The following MYO3B variants were observed in gnomAD, a reference collection of about 807,000 sequenced individuals.
MYO3B encodes myosin-IIIb.
In MYO3B, 156 loss-of-function variants were observed where a neutral mutation model predicts 174.6. The ratio of observed to expected loss-of-function variants is 0.89; its 90% confidence interval spans 0.78 to 1.02. MYO3B has a LOEUF of 1.02. Ranked by LOEUF, MYO3B falls within the 50% of genes least tolerant of loss-of-function variation. The probability of loss-of-function intolerance (pLI) is 0.00; values close to 1 mark genes in which losing one functional copy is unlikely to be tolerated. For synonymous variants in MYO3B, 563 were observed against 569.1 expected (o/e 0.99, Z 0.15); for missense variants, 1,632 against 1,639.4 (o/e 1.00, Z 0.08).
At chr2:170,564,806 A>G (rs79429975) in intron 32 of MYO3B, among the ~76,000 whole-genome samples, 1,581 of 152,220 alleles carry the variant, frequency 0.01, 49 homozygotes, top group East Asian at 0.088. Context: ...TAAAAATTAC[A>G]TTTACAAAGT....
chr2:170,470,367 G>A (rs993689031), intron 25 of MYO3B, among the ~76,000 whole-genome samples: 1 of 152,054 alleles, frequency 6.6e-6, no homozygotes, highest in African/African-American at 2.4e-5. Flanking sequence ...GGCCTTTTGT[G>A]TCTGGCTTCT....
intron 21 of MYO3B, 77 bp downstream of exon 21, chr2:170,405,710 A>G: frequency 4.4e-6 from 5 of 1,123,792 alleles, no homozygotes; most frequent in Non-Finnish European, 6.6e-6. Context: ...TGTGCTGCTC[A>G]TGAAATTGCT....
chr2:170,408,274 A>G (rs1446524728), intron 22 of MYO3B, among the ~76,000 whole-genome samples: 1 of 152,206 alleles, frequency 6.6e-6, no homozygotes, highest in Non-Finnish European at 1.5e-5. Context: ...GGGATCCTCA[A>G]AGATCACCTT....
At chr2:170,326,290 G>T (rs188602953) in intron 7 of MYO3B, among the ~76,000 whole-genome samples, 1 of 151,800 alleles carries the variant, frequency 6.6e-6, no homozygotes, top group African/African-American at 2.4e-5. Context: ...AGAACAACAT[G>T]ATCTATTTGA....
intron 32 of MYO3B, among the ~76,000 whole-genome samples, chr2:170,570,672 C>T (rs188008433): frequency 8.5e-5 from 13 of 152,160 alleles, no homozygotes; most frequent in Admixed American, 8.5e-4. Flanking sequence ...GTAAGGCCAG[C>T]GGGGCTGATT....
chr2:170,393,743 CT>C (rs1051003194), intron 16 of MYO3B, among the ~76,000 whole-genome samples: 1 of 152,042 alleles, frequency 6.6e-6, no homozygotes, highest in Non-Finnish European at 1.5e-5. Context: ...TAGTACCTTT[CT>C]TTTTTTTCTG....
chr2:170,307,707 T>G (rs143865900), intron 7 of MYO3B, among the ~76,000 whole-genome samples: 2 of 152,280 alleles, frequency 1.3e-5, no homozygotes, highest in African/African-American at 4.8e-5. Flanking sequence ...TATTACAGCT[T>G]CATGATTGCT....
chr2:170,254,122 A>G (rs1303355838), intron 7 of MYO3B, among the ~76,000 whole-genome samples: 1 of 152,068 alleles, frequency 6.6e-6, no homozygotes. Flanking sequence ...GGTACTGAAA[A>G]GGTTCTCAGG....
intron 1 of MYO3B, among the ~76,000 whole-genome samples, chr2:170,186,452 T>C (rs1270729997): frequency 1.3e-5 from 2 of 152,252 alleles, no homozygotes; most frequent in Admixed American, 6.5e-5. Context: ...TGAACCATAC[T>C]TGCATTCCTG....
chr2:170,440,871 G>C (rs1298948347), intron 22 of MYO3B, among the ~76,000 whole-genome samples: 2 of 140,182 alleles, frequency 1.4e-5, no homozygotes. Flanking sequence ...GCATGATCTC[G>C]GTTCACTGCA....
At chr2:170,495,533 T>C (rs1047450336) in intron 25 of MYO3B, among the ~76,000 whole-genome samples, 2 of 151,890 alleles carry the variant, frequency 1.3e-5, no homozygotes, top group African/African-American at 4.8e-5. Context: ...TAAGTTCTAA[T>C]ATTAATGATC....
intron 7 of MYO3B, among the ~76,000 whole-genome samples, chr2:170,273,375 ATCC>A (rs147856386): frequency 7.6e-4 from 116 of 152,128 alleles, no homozygotes; most frequent in African/African-American, 2.7e-3. Context: ...TAAGTCTAGA[ATCC>A]TCCTCTTGCC....
At chr2:170,573,584 AG>A (rs1559127827) in intron 32 of MYO3B, among the ~76,000 whole-genome samples, 1 of 152,190 alleles carries the variant, frequency 6.6e-6, no homozygotes, top group Non-Finnish European at 1.5e-5. Flanking sequence ...ATGCCACTTT[AG>A]TTGGCCTTTC....
intron 22 of MYO3B, among the ~76,000 whole-genome samples, chr2:170,439,662 T>C (rs35132152): frequency 0.23 from 35,567 of 152,122 alleles, 5,022 homozygotes; most frequent in Non-Finnish European, 0.31. Flanking sequence ...TCTCCTATGT[T>C]TTCTTCTAGC....
At chr2:170,244,744 G>C (rs1433608445) in intron 7 of MYO3B, among the ~76,000 whole-genome samples, 6 of 152,130 alleles carry the variant, frequency 3.9e-5, no homozygotes, top group Admixed American at 3.9e-4. Context: ...AATTAGCACG[G>C]GTTCATTGTA....
Position 170,214,845 on chromosome 2 carries a change from G to A in MYO3B, c.526+17G>A, listed in dbSNP as rs370250141. On this transcript the variant is annotated intron_variant, in intron 5 of 34. Transcript: ENST00000408978. ...TTGACTTTGGTAATGACTGCTTGTC[G>A]TTTGTTTTCTTGACGTGTGCAGTTT... 36 of 1,595,614 alleles carry A rather than the reference G, an allele frequency of 2.3e-5. No individual in the cohort carries two copies. In the African/African-American group the frequency reaches 2.8e-4, roughly 12 times the overall value.
intron 32 of MYO3B, among the ~76,000 whole-genome samples, chr2:170,633,144 C>G (rs1324715260): frequency 6.6e-6 from 1 of 152,172 alleles, no homozygotes; most frequent in African/African-American, 2.4e-5. Flanking sequence ...ATCCTGATAC[C>G]AAAGCCTGGC....
chr2:170,387,305 C>G lies in MYO3B; in HGVS notation c.1574C>G (p.Ala525Gly). ...LLEKSRVIKQ[A>G]AREKNFHIFY... is the part of the protein sequence containing the mutation. ...GAAAAATCCAGAGTTATAAAACAGG[C>G]AGCGTAGGTGCACTACTTTATCACT... Residue 525 changes from alanine (A) to glycine (G), a missense_variant, in exon 14 of 35, where the codon GCA becomes GGA. Coordinates refer to ENST00000408978, the MANE Select transcript of MYO3B (RefSeq NM_138995.5). The G allele has an allele frequency of 6.2e-7, 1 of 1,613,968 alleles. No homozygotes were observed. Among genetic ancestry groups the G allele is most frequent in the Non-Finnish European group, 8.5e-7 (1 of 1,179,872 alleles).
chr2:170,336,616 T>A (rs2093949151), intron 8 of MYO3B, among the ~76,000 whole-genome samples: 1 of 152,182 alleles, frequency 6.6e-6, no homozygotes, highest in Non-Finnish European at 1.5e-5. Context: ...TTGTTATTCA[T>A]CTTACTTGAT....
Sources: gnomAD v4.1 joint callset for allele counts (sites outside exome capture counted in the v4.1 genomes callset) on GRCh38, gnomAD v4.1.1 for gene constraint, MANE v1.5 for transcripts, NCBI Gene and HGNC (gene_info 2026-07-23, HGNC 2026-07-21) for gene names.